IKZF1: variants seen among roughly 807,000 people sequenced by gnomAD.
The protein encoded by IKZF1 is IKAROS family zinc finger 1, also known as DNA-binding protein Ikaros.
Under a neutral mutation model 51.7 loss-of-function variants are expected in IKZF1, and 10 were observed. The observed-to-expected ratio is 0.19, with a 90% confidence interval of 0.12 to 0.33. The LOEUF (loss-of-function observed/expected upper bound fraction) is 0.33. Ranked by LOEUF, IKZF1 falls within the 10% of genes least tolerant of loss-of-function variation. The probability of loss-of-function intolerance (pLI) is 1.00; values close to 1 mark genes in which losing one functional copy is unlikely to be tolerated. For synonymous variants in IKZF1, 280 were observed against 282.3 expected (o/e 0.99, Z 0.08); for missense variants, 484 against 707.5 (o/e 0.68, Z 3.58).
chr7:50,320,066 G>A (rs1269114446), intron 2 of IKZF1, among the ~76,000 whole-genome samples: 1 of 152,086 alleles, frequency 6.6e-6, no homozygotes. Flanking sequence ...CTCCTCAGCC[G>A]CTCTATTCAT....
intron 2 of IKZF1, among the ~76,000 whole-genome samples, chr7:50,325,307 A>C (rs1211611624): frequency 1.4e-5 from 2 of 146,722 alleles, no homozygotes; most frequent in African/African-American, 5.1e-5. Flanking sequence ...TTCCTCTGAC[A>C]ACCTTCATAA....
At chr7:50,363,971 T>C (rs1468348823) in intron 3 of IKZF1, among the ~76,000 whole-genome samples, 4 of 152,232 alleles carry the variant, frequency 2.6e-5, no homozygotes, top group African/African-American at 9.6e-5. Context: ...AAGGTCATAA[T>C]AGACTAGTGA....
intron 3 of IKZF1, among the ~76,000 whole-genome samples, chr7:50,373,495 A>G (rs1418087267): frequency 6.6e-6 from 1 of 152,188 alleles, no homozygotes; most frequent in Admixed American, 6.5e-5. Context: ...GGATTATCCC[A>G]ATGCCTGTTC....
chr7:50,383,845 G>A (rs543910132), intron 5 of IKZF1, among the ~76,000 whole-genome samples: 12 of 152,372 alleles, frequency 7.9e-5, no homozygotes, highest in African/African-American at 1.2e-4. Flanking sequence ...TATCTGCAGC[G>A]GCCCAGGCCA....
In IKZF1 at chr7:50,403,460, A is replaced by T. The variant is rs1818477803; in HGVS notation, c.*2833A>T. On this transcript the variant is annotated 3_prime_UTR_variant, in exon 8 of 8. Transcript: ENST00000331340. Reference sequence around the variant, plus strand: ...AAGTAAATATTGGAGACCGGAGGGTAACAGGTTGGCCTGTTGATTACAGCT... The same window carrying T: ...AAGTAAATATTGGAGACCGGAGGGTTACAGGTTGGCCTGTTGATTACAGCT... 4.4e-6 allele frequency: 1 copy of T among 227,196 alleles called. No individual in the cohort carries two copies. The highest frequency in any genetic ancestry group is 1.8e-4 in the South Asian group (1 of 5,486). 14.1% of individuals were successfully genotyped at this position (227,196 alleles called of 1,614,324 possible). A position where few individuals can be genotyped will look rare whatever the true frequency, so the allele number is the denominator to read the frequency against.
chr7:50,338,505 TG>T (rs1410783585), intron 3 of IKZF1, among the ~76,000 whole-genome samples: 3 of 152,070 alleles, frequency 2.0e-5, no homozygotes, highest in African/African-American at 7.2e-5. Context: ...CAGAAAGAAA[TG>T]GGGAAAAAAA....
intron 2 of IKZF1, among the ~76,000 whole-genome samples, chr7:50,326,955 G>A (rs1795184364): frequency 6.6e-6 from 1 of 152,202 alleles, no homozygotes; most frequent in Non-Finnish European, 1.5e-5. Flanking sequence ...AATACCTGGT[G>A]TGGTATCCTC....
At chr7:50,335,147 G>A (rs1306646511) in intron 3 of IKZF1, among the ~76,000 whole-genome samples, 4 of 150,474 alleles carry the variant, frequency 2.7e-5, no homozygotes, top group Non-Finnish European at 4.4e-5. Flanking sequence ...TATGTGTGAT[G>A]TGTATGTGTA....
At chr7:50,329,928 C>G (rs556165558) in intron 3 of IKZF1, among the ~76,000 whole-genome samples, 1 of 152,188 alleles carries the variant, frequency 6.6e-6, no homozygotes, top group Non-Finnish European at 1.5e-5. Context: ...AAAGTCAGGC[C>G]GATTCCTGGA....
chr7:50,377,595 G>C (rs547776517), intron 4 of IKZF1, among the ~76,000 whole-genome samples: 1 of 152,200 alleles, frequency 6.6e-6, no homozygotes, highest in Admixed American at 6.5e-5. Flanking sequence ...TCTAATAGCC[G>C]GTCACGTTGA....
intron 3 of IKZF1, among the ~76,000 whole-genome samples, chr7:50,349,671 G>T (rs1801322023): frequency 6.6e-6 from 1 of 152,140 alleles, no homozygotes; most frequent in Non-Finnish European, 1.5e-5. Flanking sequence ...TAAGCTGAGT[G>T]GGCATGGGGG....
intron 1 of IKZF1, among the ~76,000 whole-genome samples, chr7:50,306,460 G>C (rs986248492): frequency 1.3e-5 from 2 of 152,168 alleles, no homozygotes; most frequent in Non-Finnish European, 2.9e-5. Flanking sequence ...TAATTCATCA[G>C]TGTTCTAATT....
intron 7 of IKZF1, among the ~76,000 whole-genome samples, chr7:50,394,928 T>G (rs1816280019): frequency 1.3e-5 from 2 of 152,230 alleles, no homozygotes; most frequent in South Asian, 4.1e-4. Flanking sequence ...TTGTTTTTAG[T>G]CTGTCTGGTG....
chr7:50,381,403 C>T (rs1811809395), intron 4 of IKZF1, among the ~76,000 whole-genome samples: 1 of 152,184 alleles, frequency 6.6e-6, no homozygotes, highest in African/African-American at 2.4e-5. Context: ...ATTTGTTTTA[C>T]AAAAGAGTTT....
In IKZF1 at chr7:50,402,536, A is replaced by G. The variant is rs1818308320; in HGVS notation, c.*1909A>G. 3 of 232,234 alleles carry G rather than the reference A, an allele frequency of 1.3e-5. No individual in the cohort carries two copies. In the South Asian group the frequency reaches 5.4e-4, roughly 42 times the overall value. The allele number at this position is 232,234 out of a possible 1,614,324, so 14.4% of individuals were successfully genotyped here. ...GACCCAAATGAATTCTAAACCAATC[A>G]AATGTCTGGGAAGCCCTCCAAGAAA... On this transcript the variant is annotated 3_prime_UTR_variant, in exon 8 of 8. Coordinates refer to ENST00000331340, the MANE Select transcript of IKZF1 (RefSeq NM_006060.6).
At chr7:50,310,928 A>G (rs1441004341) in intron 1 of IKZF1, among the ~76,000 whole-genome samples, 1 of 152,218 alleles carries the variant, frequency 6.6e-6, no homozygotes, top group Non-Finnish European at 1.5e-5. Flanking sequence ...AGCAAGGTGA[A>G]TTTTCAAAGT....
chr7:50,307,973 T>G (rs1243007677), intron 1 of IKZF1, among the ~76,000 whole-genome samples: 7 of 152,242 alleles, frequency 4.6e-5, no homozygotes, highest in Non-Finnish European at 1.0e-4. Context: ...CTTTCTTGTA[T>G]TTCTTTGCAG....
chr7:50,350,784 C>T (rs1370172550), intron 3 of IKZF1, among the ~76,000 whole-genome samples: 2 of 151,928 alleles, frequency 1.3e-5, no homozygotes, highest in Admixed American at 6.6e-5. Flanking sequence ...GTACAACTGC[C>T]GGGTGTCAAT....
At chr7:50,316,854 A>G (rs1791698045) in intron 1 of IKZF1, among the ~76,000 whole-genome samples, 1 of 152,250 alleles carries the variant, frequency 6.6e-6, no homozygotes, top group Admixed American at 6.5e-5. Context: ...CTTAGGAAAC[A>G]TCTTTTTTTA....
Sources: allele counts gnomAD v4.1 joint callset (sites outside exome capture counted in the v4.1 genomes callset), GRCh38; gene constraint gnomAD v4.1.1; transcripts MANE v1.5; gene names NCBI Gene and HGNC (gene_info 2026-07-23, HGNC 2026-07-21).